Variants in PICK1 observed in about 807,000 individuals in gnomAD.
PICK1 encodes protein interacting with PRKCA 1, also known as PRKCA-binding protein.
A neutral mutation model predicts 48.9 loss-of-function variants in PICK1; 23 were observed. That is an observed-to-expected ratio of 0.47 (90% CI 0.34 to 0.67). The LOEUF (loss-of-function observed/expected upper bound fraction) is 0.67. PICK1 is among the 30% of genes least tolerant of loss of function. The pLI is 0.01. For missense variants in PICK1, 423 were observed against 557.1 expected (o/e 0.76, Z 2.42); for synonymous variants, 217 against 228.2 (o/e 0.95, Z 0.44).
chr22:38,068,129 T>C (rs1351880411), intron 5 of PICK1: 1 of 480,936 alleles, frequency 2.1e-6, no homozygotes, highest in South Asian at 1.5e-5. Flanking sequence ...GAGAGCAGCC[T>C]AACCCTGGCC....
intron 8 of PICK1, 130 bp downstream of exon 8, chr22:38,071,874 G>C: frequency 1.2e-6 from 1 of 800,136 alleles, no homozygotes; most frequent in Non-Finnish European, 2.2e-6. Context: ...GGTCCCAGGT[G>C]CTGGGATTTG....
In PICK1 at chr22:38,057,870, A is replaced by C. The variant is rs1310854469; in HGVS notation, c.41+20A>C. On this transcript the variant is annotated intron_variant, in intron 2 of 12. Coordinates refer to ENST00000356976, the MANE Select transcript of PICK1 (RefSeq NM_012407.4). ...TAAACTGTGAGTATTTTATTCCCCC[A>C]AGTTCCAGCAGTATAGGAGCCCCAA... The C allele has an allele frequency of 1.2e-6, 2 of 1,602,278 alleles. No homozygotes were observed. The highest frequency in any genetic ancestry group is 1.7e-6 in the Non-Finnish European group (2 of 1,169,208).
chr22:38,074,032 T>C lies in PICK1; in HGVS notation c.834+209T>C. On this transcript the variant is annotated intron_variant, in intron 11 of 12. Coordinates refer to ENST00000356976, the MANE Select transcript of PICK1 (RefSeq NM_012407.4). The surrounding 1 kb of genome is among the most constrained non-coding windows in gnomAD (Gnocchi z 4.5). ...ACCACTCCCTCAGTCTGGGGGACTC[T>C]TGGAGGGAAATCGGATTTTCTTCAC... 1.6e-6 allele frequency: 1 copy of C among 637,550 alleles called. No homozygotes were observed. The highest frequency in any genetic ancestry group is 1.9e-5 in the South Asian group (1 of 52,122). 39.5% of individuals were successfully genotyped at this position (637,550 alleles called of 1,614,324 possible).
At chr22:38,064,089 G>A (rs1004898816) in intron 3 of PICK1, among the ~76,000 whole-genome samples, 2 of 151,904 alleles carry the variant, frequency 1.3e-5, no homozygotes, top group Admixed American at 6.6e-5. Context: ...ACAGAGTCTC[G>A]TTCTGTTGCT....
At chr22:38,068,527 C>G (rs2145873600) in intron 5 of PICK1, among the ~76,000 whole-genome samples, 1 of 152,328 alleles carries the variant, frequency 6.6e-6, no homozygotes, top group Admixed American at 6.5e-5. Flanking sequence ...CCGAAACCCT[C>G]TGGTTCCAAC....
chr22:38,071,767 T>G (rs745364743), intron 8 of PICK1, 23 bp downstream of exon 8: 70 of 1,607,966 alleles, frequency 4.4e-5, no homozygotes, highest in Non-Finnish European at 2.6e-5. Flanking sequence ...CCCAAAGCTG[T>G]GGTGTGACCG....
rs1289157860 is a variant in PICK1, at chr22:38,073,711, T to C, written c.784-62T>C. ...TCCTGCTGCGTGTGGGTGATGGGGG[T>C]GGAGCTGGGGACCTGGGGTGGGGGT... On this transcript the variant is annotated intron_variant, in intron 10 of 12. Transcript: ENST00000356976. This position sits in a 1 kb window ranked among gnomAD's most constrained non-coding sequence, Gnocchi z 5.7. The C allele has an allele frequency of 1.4e-6, 2 of 1,437,914 alleles. No individual in the cohort carries two copies. Among genetic ancestry groups the C allele is most frequent in the Non-Finnish European group, 2.0e-6 (2 of 1,021,522 alleles). The allele number at this position is 1,437,914 out of a possible 1,614,324, so 89.1% of individuals were successfully genotyped here.
At position 38,073,880 on chromosome 22, in the gene PICK1, T is replaced by C; in HGVS notation, c.834+57T>C. The C allele has an allele frequency of 6.4e-7, 1 of 1,556,182 alleles. No homozygotes were observed. The highest frequency in any genetic ancestry group is 1.1e-5 in the South Asian group (1 of 89,988). On this transcript the variant is annotated intron_variant, in intron 11 of 12. Transcript: ENST00000356976. The surrounding 1 kb of genome is among the most constrained non-coding windows in gnomAD (Gnocchi z 5.7). The stretch of plus-strand genomic sequence containing the variant: ...TTCCCCCCACCTGGTCTGCCAGGGA[T>C]AGCAGGTGGCTCAGGCCAACCCGGG...
In PICK1 at chr22:38,066,881, C is replaced by T. The variant is rs3026687; in HGVS notation, c.283-823C>T. On this transcript the variant is annotated intron_variant, in intron 4 of 12. Transcript: ENST00000356976. The surrounding 1 kb of genome is among the most constrained non-coding windows in gnomAD (Gnocchi z 4.1). ...GAGAAGCCTTTGTCTCCTGAGCAGT[C>T]GTTAGAAAGTGGTTTGTGTAATTCC... 2.8e-3 allele frequency among the ~76,000 whole-genome samples: 426 copies of T among 152,298 alleles called. 4 individuals are homozygous for T. The highest frequency in any genetic ancestry group is 9.7e-3 in the African/African-American group (402 of 41,560).
At chr22:38,064,753 G>A (rs76216215) in intron 3 of PICK1, among the ~76,000 whole-genome samples, 7,765 of 152,106 alleles carry the variant, frequency 0.051, 319 homozygotes, top group African/African-American at 0.11. Context: ...AGAGCGAAAC[G>A]CCGACTCAAA....
rs1353828266 is a variant in PICK1, at chr22:38,067,705, G to C, written c.284G>C (p.Gly95Ala). 1 of 1,613,596 alleles carries C rather than the reference G, an allele frequency of 6.2e-7. No homozygotes were observed. Among genetic ancestry groups the C allele is most frequent in the South Asian group, 1.1e-5 (1 of 91,072 alleles). Residue 95 changes from glycine to alanine, a missense_variant and splice_region_variant, in exon 5 of 13, where the codon GGG becomes GCG. Physicochemically the swap from Gly to Ala is moderately conservative, Grantham distance 60. Coordinates refer to ENST00000356976, the MANE Select transcript of PICK1 (RefSeq NM_012407.4). ...AGTCTGTGTGTGCTGCTCTTCCAGG[G>C]GGAGGTGACCATCCACTACAACAAG... Reference protein sequence around the residue: ...EVAKMIQEVKGEVTIHYNKLQ... With the variant: ...EVAKMIQEVKAEVTIHYNKLQ...
At chr22:38,069,147 G>A (rs781088929) in intron 6 of PICK1, 25 bp downstream of exon 6, 1 of 1,558,762 alleles carries the variant, frequency 6.4e-7, no homozygotes, top group South Asian at 1.2e-5. Context: ...ACCCAGCTGG[G>A]GCCCCGGGGA....
chr22:38,075,022 G>T lies in PICK1; in HGVS notation c.1138G>T (p.Asp380Tyr). 6.2e-7 allele frequency: 1 copy of T among 1,613,558 alleles called. No homozygotes were observed. Among genetic ancestry groups the T allele is most frequent in the Non-Finnish European group, 8.5e-7 (1 of 1,180,020 alleles). Residue 380 changes from aspartate (D) to tyrosine (Y), a missense_variant, in exon 13 of 13, where the codon GAT (aspartate) becomes TAT (tyrosine). Asp to Tyr is a radical substitution (Grantham distance 160, BLOSUM62 -3). Around this residue, in one of 2 missense-constraint regions of PICK1, gnomAD observed 144 missense variants for 139.3 expected, o/e 1.03. Coordinates refer to ENST00000356976, the MANE Select transcript of PICK1 (RefSeq NM_012407.4). ...AYGLNQEEFTDGEEEEEEEDT... is the reference protein window; with the variant it reads ...AYGLNQEEFTYGEEEEEEEDT... ...TGGCCTCAACCAGGAGGAGTTCACA[G>T]ATGGGGAGGAGGAGGAGGAGGAGGA...
chr22:38,068,614 T>C (rs1316631928), intron 5 of PICK1, among the ~76,000 whole-genome samples: 1 of 152,148 alleles, frequency 6.6e-6, no homozygotes, highest in East Asian at 1.9e-4. Context: ...TTCATGGTCA[T>C]TGATGGTGCC....
At chr22:38,062,505 C>A (rs572699770) in intron 3 of PICK1, among the ~76,000 whole-genome samples, 35 of 152,318 alleles carry the variant, frequency 2.3e-4, no homozygotes, top group African/African-American at 7.9e-4. Flanking sequence ...GCCTCGACCT[C>A]CCAAAGTGCT....
chr22:38,075,042 G>A lies in PICK1; in HGVS notation c.1158G>A (p.Glu386=). 1 of 1,613,300 alleles carries A rather than the reference G, an allele frequency of 6.2e-7. No homozygotes were observed. The highest frequency in any genetic ancestry group is 1.1e-5 in the South Asian group (1 of 91,074). The change falls in exon 13 of 13, where the codon GAG becomes GAA. Residue 386 remains glutamate (E), a synonymous_variant. Transcript: ENST00000356976. ...EEFTDGEEEE[E]EEDTAAGEPS... ...TCACAGATGGGGAGGAGGAGGAGGA[G>A]GAGGAAGACACGGCAGCTGGGGAGC... is the stretch of plus-strand genomic sequence containing the variant.
rs371575593 is a variant in PICK1 at position 38,074,989 on chromosome 22, T to G, written c.1105T>G (p.Leu369Val). Residue 369 changes from leucine (L) to valine (V), a missense_variant, in exon 13 of 13, where the codon TTG becomes GTG. Leu to Val is a conservative substitution (Grantham distance 32, BLOSUM62 1). Around this residue, in one of 2 missense-constraint regions of PICK1, gnomAD observed 144 missense variants for 139.3 expected, o/e 1.03. Transcript: ENST00000356976. This position sits in a 1 kb window ranked among gnomAD's most constrained non-coding sequence, Gnocchi z 4.5. ...PIEVDLAHTTLAYGLNQEEFT... is the reference protein window; with the variant it reads ...PIEVDLAHTTVAYGLNQEEFT... Reference sequence around the variant, plus strand: ...CGAGGTAGACCTGGCGCACACCACATTGGCCTATGGCCTCAACCAGGAGGA... The same window carrying G: ...CGAGGTAGACCTGGCGCACACCACAGTGGCCTATGGCCTCAACCAGGAGGA... 6.2e-7 allele frequency: 1 copy of G among 1,613,508 alleles called. No homozygotes were observed. Among genetic ancestry groups the G allele is most frequent in the African/African-American group, 1.3e-5 (1 of 74,918 alleles).
chr22:38,068,539 C>T (rs1382571736), intron 5 of PICK1, among the ~76,000 whole-genome samples: 1 of 152,178 alleles, frequency 6.6e-6, no homozygotes, highest in Non-Finnish European at 1.5e-5. Context: ...GGTTCCAACA[C>T]AGGACTAAGT....
intron 7 of PICK1, 84 bp downstream of exon 7, chr22:38,070,975 C>T (rs987099522): frequency 9.7e-7 from 1 of 1,035,018 alleles, no homozygotes; most frequent in Non-Finnish European, 1.5e-6. Flanking sequence ...GGTGCTGGCA[C>T]TAGGAATGCC....
Sources: allele counts gnomAD v4.1 joint callset (sites outside exome capture counted in the v4.1 genomes callset), GRCh38; gene constraint gnomAD v4.1.1; regional missense constraint gnomAD v4.1.1; non-coding constraint Gnocchi (gnomAD v3.1); transcripts MANE v1.5; gene names NCBI Gene and HGNC (gene_info 2026-07-23, HGNC 2026-07-21).